LRP1B: variants seen among roughly 807,000 people sequenced by gnomAD.
The protein encoded by LRP1B is LDL receptor related protein 1B.
A neutral mutation model predicts 556.6 loss-of-function variants in LRP1B; 217 were observed. The ratio of observed to expected loss-of-function variants is 0.39; its 90% CI spans 0.35 to 0.44. LRP1B has a LOEUF of 0.44. Among genes scored for constraint, LRP1B ranks in the 20% least tolerant of loss-of-function variants. The probability of loss-of-function intolerance (pLI) is 1.00; values close to 1 mark genes in which losing one functional copy is unlikely to be tolerated. For synonymous variants in LRP1B, 2,047 were observed against 1,865.8 expected, an observed-to-expected ratio of 1.10 and a Z score of -2.50; for missense variants, 5,053 against 5,620.8, an observed-to-expected ratio of 0.90 and a Z score of 3.23.
chr2:141,806,581 C>A (rs1211003318), intron 2 of LRP1B, among the ~76,000 whole-genome samples: 5 of 151,984 alleles, frequency 3.3e-5, no homozygotes, highest in African/African-American at 1.2e-4. Context: ...CCTCACACAA[C>A]AGTTTTCTAT....
intron 15 of LRP1B, 38 bp downstream of exon 15, chr2:141,005,297 C>T (rs761901243): frequency 6.3e-7 from 1 of 1,599,632 alleles, no homozygotes. Context: ...TCAGAAAGAG[C>T]CCGATAAACA....
At chr2:141,109,301 T>C (rs905767859) in intron 7 of LRP1B, among the ~76,000 whole-genome samples, 1 of 152,192 alleles carries the variant, frequency 6.6e-6, no homozygotes, top group Non-Finnish European at 1.5e-5. Context: ...GGTCTCTCAT[T>C]AGCTACACTG....
intron 1 of LRP1B, among the ~76,000 whole-genome samples, chr2:141,914,436 TAA>T (rs2104958987): frequency 6.6e-6 from 1 of 152,242 alleles, no homozygotes; most frequent in African/African-American, 2.4e-5. Flanking sequence ...GTGCCAGATA[TAA>T]AGACATCAGG....
At chr2:141,333,511 A>C (rs1357210814) in intron 3 of LRP1B, among the ~76,000 whole-genome samples, 1 of 152,192 alleles carries the variant, frequency 6.6e-6, no homozygotes, top group Non-Finnish European at 1.5e-5. Flanking sequence ...AATAAAAATC[A>C]TACTGTCCAA....
intron 5 of LRP1B, among the ~76,000 whole-genome samples, chr2:141,233,930 T>C (rs1000575470): frequency 1.8e-4 from 28 of 152,094 alleles, no homozygotes; most frequent in African/African-American, 6.8e-4. Flanking sequence ...ATTAAACCTG[T>C]AATTGTATTT....
intron 1 of LRP1B, among the ~76,000 whole-genome samples, chr2:142,103,998 T>C (rs1021376015): frequency 3.3e-5 from 5 of 152,140 alleles, no homozygotes; most frequent in African/African-American, 1.2e-4. Flanking sequence ...AAACTAAATG[T>C]ATTTTCACAG....
intron 84 of LRP1B, among the ~76,000 whole-genome samples, chr2:140,287,144 T>A (rs531318253): frequency 4.6e-5 from 7 of 151,836 alleles, no homozygotes; most frequent in Admixed American, 4.0e-4. Flanking sequence ...ATTCTAGGAG[T>A]GTGAACTCAG....
chr2:140,638,824 A>G (rs1684169388), intron 41 of LRP1B, among the ~76,000 whole-genome samples: 1 of 150,814 alleles, frequency 6.6e-6, no homozygotes, highest in Non-Finnish European at 1.5e-5. Flanking sequence ...TATATATACA[A>G]AATTATATAT....
chr2:140,902,251 C>A (rs1694125574), intron 23 of LRP1B, among the ~76,000 whole-genome samples: 1 of 152,106 alleles, frequency 6.6e-6, no homozygotes, highest in Non-Finnish European at 1.5e-5. Flanking sequence ...AGCGATACTT[C>A]TTTAAACACC....
At chr2:141,539,818 A>G (rs1054848233) in intron 2 of LRP1B, among the ~76,000 whole-genome samples, 2 of 152,204 alleles carry the variant, frequency 1.3e-5, no homozygotes, top group African/African-American at 2.4e-5. Flanking sequence ...TAAATTTTAT[A>G]TAATATCGTG....
Position 141,295,746 on chromosome 2 carries a change from A to AACACACACACACACACACACACACACAC in LRP1B, c.344-41133_344-41106dup, listed in dbSNP as rs376812743. ...ACTCCAACTTTACTATGAGGAGAGA[A>AACACACACACACACACACACACACACAC]ACACACACACACACACACACACACA... On this transcript the variant is annotated intron_variant, in intron 3 of 90. Transcript: ENST00000389484. 2.1e-4 allele frequency among the ~76,000 whole-genome samples: 28 copies of AACACACACACACACACACACACACACAC among 130,600 alleles called. 1 individual carries two copies. The highest frequency in any genetic ancestry group is 1.5e-3 in the East Asian group (6 of 4,078). The allele number at this position is 130,600 out of a possible 152,430, so 85.7% of individuals were successfully genotyped here.
intron 3 of LRP1B, among the ~76,000 whole-genome samples, chr2:141,438,205 G>A (rs574357565): frequency 3.3e-5 from 5 of 152,138 alleles, no homozygotes; most frequent in African/African-American, 9.6e-5. Context: ...AGTTGATTAC[G>A]GAGTCTGTTC....
chr2:140,529,913 G>C (rs1690613153), intron 47 of LRP1B, among the ~76,000 whole-genome samples: 1 of 151,826 alleles, frequency 6.6e-6, no homozygotes, highest in African/African-American at 2.4e-5. Context: ...AAGCTCTCCT[G>C]TCATGAAAGG....
intron 2 of LRP1B, among the ~76,000 whole-genome samples, chr2:141,578,810 G>A (rs1686853167): frequency 6.6e-6 from 1 of 152,042 alleles, no homozygotes; most frequent in Admixed American, 6.6e-5. Context: ...CTTAGGTAAA[G>A]GTTTCTGCGT....
intron 31 of LRP1B, among the ~76,000 whole-genome samples, chr2:140,814,562 A>G (rs907765172): frequency 1.3e-5 from 2 of 152,206 alleles, no homozygotes; most frequent in Admixed American, 6.5e-5. Context: ...TTGGGATACT[A>G]ATTTAACTGA....
chr2:141,116,548 C>T (rs1700903912), intron 7 of LRP1B, among the ~76,000 whole-genome samples: 1 of 152,124 alleles, frequency 6.6e-6, no homozygotes, highest in South Asian at 2.1e-4. Flanking sequence ...GTTTTAATTA[C>T]TAACTTAGTA....
intron 2 of LRP1B, among the ~76,000 whole-genome samples, chr2:141,605,998 T>C (rs769227476): frequency 2.0e-5 from 3 of 152,140 alleles, no homozygotes; most frequent in Non-Finnish European, 2.9e-5. Flanking sequence ...AGGCCTGATA[T>C]TACTTAATCG....
At chr2:141,584,607 A>G (rs1023379667) in intron 2 of LRP1B, among the ~76,000 whole-genome samples, 1 of 152,222 alleles carries the variant, frequency 6.6e-6, no homozygotes, top group Non-Finnish European at 1.5e-5. Context: ...ACCTATAGCT[A>G]AATGTACAAC....
At chr2:141,224,275 A>C (rs1408712203) in intron 6 of LRP1B, among the ~76,000 whole-genome samples, 1 of 152,184 alleles carries the variant, frequency 6.6e-6, no homozygotes, top group East Asian at 1.9e-4. Flanking sequence ...GAGAAATCCA[A>C]ATCAAAACCG....
Sources: allele counts gnomAD v4.1 joint callset (sites outside exome capture counted in the v4.1 genomes callset), GRCh38; gene constraint gnomAD v4.1.1; transcripts MANE v1.5; gene names NCBI Gene and HGNC (gene_info 2026-07-23, HGNC 2026-07-21).